The following SHANK2 variants were observed in gnomAD, a reference collection of about 807,000 sequenced individuals.
SHANK2 encodes SH3 and multiple ankyrin repeat domains 2.
In SHANK2, 43 loss-of-function variants were observed where a neutral mutation model predicts 133.7. The ratio of observed to expected loss-of-function variants is 0.32; its 90% CI spans 0.25 to 0.41. The LOEUF is 0.41. Among genes scored for constraint, SHANK2 ranks in the 10% least tolerant of loss-of-function variants. The pLI is 1.00. For synonymous variants in SHANK2, 1,017 were observed against 952.8 expected (o/e 1.07, Z -1.24); for missense variants, 1,994 against 2,235.8 (o/e 0.89, Z 2.18).
intron 1 of SHANK2, among the ~76,000 whole-genome samples, chr11:71,225,745 G>A (rs549429248): frequency 2.0e-5 from 3 of 152,294 alleles, no homozygotes; most frequent in Admixed American, 6.5e-5. Flanking sequence ...CGAACAATTA[G>A]GAACATGCTA....
intron 10 of SHANK2, among the ~76,000 whole-genome samples, chr11:70,954,590 TG>T (rs1214954981): frequency 6.6e-6 from 1 of 152,248 alleles, no homozygotes; most frequent in Non-Finnish European, 1.5e-5. Context: ...TTTCATGGGC[TG>T]AGTCCTCCCC....
At chr11:70,823,596 C>A (rs191439613) in intron 11 of SHANK2, among the ~76,000 whole-genome samples, 5,130 of 136,442 alleles carry the variant, frequency 0.038, 223 homozygotes, top group Admixed American at 0.083. Flanking sequence ...GTGGCGTTGG[C>A]AGCGTTCACG....
chr11:70,525,744 C>T (rs997230658), intron 17 of SHANK2, among the ~76,000 whole-genome samples: 1 of 152,058 alleles, frequency 6.6e-6, no homozygotes, highest in Admixed American at 6.5e-5. Context: ...CTGAACAGCA[C>T]ACTCAGAAGG....
chr11:70,901,958 C>T (rs1163941562), intron 10 of SHANK2, among the ~76,000 whole-genome samples: 1 of 152,218 alleles, frequency 6.6e-6, no homozygotes, highest in Admixed American at 6.5e-5. Context: ...GCTTCTGCGG[C>T]TAGGAGGTGA....
At chr11:71,137,345 T>C in intron 3 of SHANK2, among the ~76,000 whole-genome samples, 1 of 122,910 alleles carries the variant, frequency 8.1e-6, no homozygotes, top group African/African-American at 3.2e-5. Flanking sequence ...AGAGAGCAAA[T>C]AACAGTGGGG....
At chr11:70,663,409 G>A (rs1017526319) in intron 15 of SHANK2, among the ~76,000 whole-genome samples, 14 of 152,126 alleles carry the variant, frequency 9.2e-5, no homozygotes, top group African/African-American at 3.1e-4. Flanking sequence ...GCGGCCCCTC[G>A]ATCCTCCCAT....
intron 10 of SHANK2, among the ~76,000 whole-genome samples, chr11:70,902,876 C>T (rs1950043521): frequency 6.6e-6 from 1 of 152,314 alleles, no homozygotes; most frequent in South Asian, 2.1e-4. Context: ...GCCACAGGGT[C>T]CCCTACAGAT....
At chr11:71,129,405 T>C (rs1369646760) in intron 3 of SHANK2, among the ~76,000 whole-genome samples, 4 of 152,122 alleles carry the variant, frequency 2.6e-5, no homozygotes, top group African/African-American at 9.7e-5. Context: ...CCCCTCTTAG[T>C]ACAGTTCATG....
chr11:70,927,164 C>A (rs548359996), intron 10 of SHANK2, among the ~76,000 whole-genome samples: 3 of 152,196 alleles, frequency 2.0e-5, no homozygotes, highest in South Asian at 2.1e-4. Flanking sequence ...GAAGTAGACT[C>A]CAATGCAACA....
chr11:70,733,101 C>T (rs1428856823), intron 14 of SHANK2, among the ~76,000 whole-genome samples: 3 of 152,106 alleles, frequency 2.0e-5, no homozygotes, highest in South Asian at 2.1e-4. Context: ...TGGGATCGTC[C>T]GCGACAGAAA....
intron 17 of SHANK2, among the ~76,000 whole-genome samples, chr11:70,608,297 G>C (rs1427923096): frequency 6.6e-6 from 1 of 152,116 alleles, no homozygotes; most frequent in Non-Finnish European, 1.5e-5. Flanking sequence ...TTTCCTCTTT[G>C]TGAAAAGAGC....
chr11:70,487,224 G>A lies in SHANK2; in HGVS notation c.3069C>T (p.Pro1023=), dbSNP rs1361275780. ...LVKQSNVEDS[P]EKTCSIPIPT... ...GGATAGGGATGGAGCACGTCTTCTC[G>A]GGGCTGTCCTCCACGTTGGACTGCT... Residue 1023 remains proline (P), a synonymous_variant, in exon 25 of 26, where the codon CCC becomes CCT. Transcript: ENST00000601538. This position sits in a 1 kb window ranked among gnomAD's most constrained non-coding sequence, Gnocchi z 5.8. The A allele has an allele frequency of 3.1e-6, 5 of 1,613,980 alleles. No homozygotes were observed. The highest frequency in any genetic ancestry group is 1.6e-4 in the Middle Eastern group (1 of 6,084).
At chr11:70,705,725 C>A (rs1482956642) in intron 14 of SHANK2, 3 of 152,252 alleles carry the variant, frequency 2.0e-5, no homozygotes, top group African/African-American at 7.2e-5. Flanking sequence ...CCAGTCAGTG[C>A]TGGGATCAGT....
At chr11:70,711,691 C>T (rs1365504548) in intron 14 of SHANK2, among the ~76,000 whole-genome samples, 1 of 152,194 alleles carries the variant, frequency 6.6e-6, no homozygotes. Context: ...GGGCGGGGAC[C>T]CTGGCTCTCA....
chr11:70,847,675 C>T (rs1555063945), intron 11 of SHANK2, among the ~76,000 whole-genome samples: 1 of 152,254 alleles, frequency 6.6e-6, no homozygotes, highest in East Asian at 1.9e-4. Flanking sequence ...CCTCTCAATT[C>T]ACTCCACTCA....
At chr11:70,952,733 GC>G in intron 10 of SHANK2, 1 of 423,236 alleles carries the variant, frequency 2.4e-6, no homozygotes. Context: ...TGGCAGGGCG[GC>G]CCTGGCTTCG....
chr11:70,912,079 CAAAAAAAAAAAAAAAAAAAAA>C (rs536602235), intron 10 of SHANK2, among the ~76,000 whole-genome samples: 90 of 81,218 alleles, frequency 1.1e-3, no homozygotes, highest in African/African-American at 3.8e-3. Context: ...GAGACTCTGT[CAAAAAAAAAAAAAAAAAAAAA>C]AAAAAAAAAA....
intron 17 of SHANK2, among the ~76,000 whole-genome samples, chr11:70,567,975 C>T (rs782573404): frequency 1.3e-5 from 2 of 152,190 alleles, no homozygotes; most frequent in Non-Finnish European, 2.9e-5. Context: ...AGCGAGGAGA[C>T]GGGCAACAAA....
intron 21 of SHANK2, among the ~76,000 whole-genome samples, chr11:70,494,447 C>T (rs1591500329): frequency 6.6e-6 from 1 of 152,176 alleles, no homozygotes; most frequent in African/African-American, 2.4e-5. Flanking sequence ...GCGAGCACCA[C>T]CATGCCCGGC....
Sources: allele counts gnomAD v4.1 joint callset (sites outside exome capture counted in the v4.1 genomes callset), GRCh38; gene constraint gnomAD v4.1.1; non-coding constraint Gnocchi (gnomAD v3.1); transcripts MANE v1.5; gene names NCBI Gene and HGNC (gene_info 2026-07-23, HGNC 2026-07-21).